Variants in CST7 observed in about 807,000 individuals in gnomAD.
The protein encoded by CST7 is cystatin F.
A neutral mutation model predicts 13.1 loss-of-function variants in CST7; 15 were observed. That is an observed-to-expected ratio of 1.14 (90% CI 0.77 to 1.76). CST7 has a LOEUF of 1.76. Among genes scored for constraint, CST7 ranks in the 40% most tolerant of loss-of-function variants. CST7 has a pLI of 0.00. For synonymous variants in CST7, 75 were observed against 66.9 expected, an observed-to-expected ratio of 1.12 and a Z score of -0.59; for missense variants, 193 against 178.8, an observed-to-expected ratio of 1.08 and a Z score of -0.45.
chr20:24,957,064 T>TGGGGGGCAGGG (rs2087861618), intron 1 of CST7, among the ~76,000 whole-genome samples: 2 of 1,426 alleles, frequency 1.4e-3, no homozygotes, highest in African/African-American at 7.4e-3. Context: ...GGAGAACAGG[T>TGGGGGGCAGGG]GAGGGGGCAG....
intron 1 of CST7, among the ~76,000 whole-genome samples, chr20:24,950,259 A>T (rs1237001287): frequency 6.6e-6 from 1 of 152,182 alleles, no homozygotes; most frequent in Non-Finnish European, 1.5e-5. Context: ...TCATTTAACC[A>T]ACCAGGAAGC....
chr20:24,956,464 G>A (rs1238247807), intron 1 of CST7, among the ~76,000 whole-genome samples: 1 of 152,172 alleles, frequency 6.6e-6, no homozygotes, highest in African/African-American at 2.4e-5. Context: ...ACAGATACTA[G>A]GGGACATGAC....
chr20:24,959,925 T>C lies in CST7; in HGVS notation c.*213T>C. The C allele has an allele frequency of 1.8e-6, 1 of 566,200 alleles. No homozygotes were observed. The highest frequency in any genetic ancestry group is 2.1e-5 in the South Asian group (1 of 47,572). The allele number at this position is 566,200 out of a possible 1,614,324, so 35.1% of individuals were successfully genotyped here. A position where few individuals can be genotyped will look rare whatever the true frequency, so the allele number is the denominator to read the frequency against. On this transcript the variant is annotated 3_prime_UTR_variant, in exon 4 of 4. Transcript: ENST00000480798. Reference sequence around the variant, plus strand: ...AAATAGATCACATTTGCTTCTAAAATTAACTCCTGTTTCTGAGGCTTCCCA... The same window carrying C: ...AAATAGATCACATTTGCTTCTAAAACTAACTCCTGTTTCTGAGGCTTCCCA...
chr20:24,956,178 G>A (rs1220483701), intron 1 of CST7, among the ~76,000 whole-genome samples: 2 of 152,132 alleles, frequency 1.3e-5, no homozygotes, highest in Admixed American at 6.5e-5. Flanking sequence ...CAGAAACCTC[G>A]TCATCCTGTC....
At chr20:24,950,716 A>T (rs1331425004) in intron 1 of CST7, among the ~76,000 whole-genome samples, 2 of 149,074 alleles carry the variant, frequency 1.3e-5, no homozygotes, top group African/African-American at 5.0e-5. Context: ...GAGCCTTCTT[A>T]GCTCACGCAA....
chr20:24,950,210 C>G (rs1331574422), intron 1 of CST7, among the ~76,000 whole-genome samples: 1 of 152,226 alleles, frequency 6.6e-6, no homozygotes, highest in Non-Finnish European at 1.5e-5. Flanking sequence ...GCACAGGAAT[C>G]AGACCAGGAT....
intron 1 of CST7, among the ~76,000 whole-genome samples, chr20:24,952,186 C>T (rs1260389304): frequency 6.6e-6 from 1 of 152,222 alleles, no homozygotes; most frequent in Non-Finnish European, 1.5e-5. Flanking sequence ...TTTTGCACAT[C>T]ATTTATTGAC....
chr20:24,958,733 C>T (rs922623146), intron 2 of CST7, among the ~76,000 whole-genome samples, 195 bp from the exon 3 acceptor site: 1 of 152,084 alleles, frequency 6.6e-6, no homozygotes, highest in Admixed American at 6.5e-5. Flanking sequence ...GGCACAAACC[C>T]AGCACGGGGC....
intron 1 of CST7, among the ~76,000 whole-genome samples, chr20:24,955,665 G>A (rs1486307177): frequency 3.3e-5 from 5 of 152,160 alleles, no homozygotes. Context: ...TTGCCAGGAT[G>A]GCCTCGATCT....
At chr20:24,949,711 G>A in intron 1 of CST7, 136 bp downstream of exon 1, 1 of 1,175,944 alleles carries the variant, frequency 8.5e-7, no homozygotes, top group South Asian at 1.5e-5. Context: ...GGTGCTGGGA[G>A]TGGTGAGAGG....
intron 1 of CST7, among the ~76,000 whole-genome samples, chr20:24,952,731 G>A (rs1285186326): frequency 6.6e-6 from 1 of 152,228 alleles, no homozygotes; most frequent in Non-Finnish European, 1.5e-5. Context: ...CCCCTGAGGT[G>A]ACACAGGGAG....
intron 1 of CST7, among the ~76,000 whole-genome samples, chr20:24,955,519 G>A (rs2087848254): frequency 1.3e-5 from 2 of 149,570 alleles, no homozygotes; most frequent in Non-Finnish European, 3.0e-5. Flanking sequence ...GCGCGATCTC[G>A]GCTCACTGCA....
rs374159769 is a variant in CST7 at position 24,949,463 on chromosome 20, C to T, written c.-43C>T. On this transcript the variant is annotated 5_prime_UTR_variant, in exon 1 of 4. The change creates a new upstream start codon in the 5' untranslated region. Transcript: ENST00000480798. ...CCATGCTGCCTGAGAAGGCACTGCA[C>T]GGCCACCCCCAACTGCCCCGCACTG... 207 of 1,613,766 alleles carry T rather than the reference C, an allele frequency of 1.3e-4. No individual in the cohort carries two copies. Among genetic ancestry groups the T allele is most frequent in the Middle Eastern group, 5.0e-4 (3 of 6,044 alleles).
At chr20:24,953,287 G>A (rs62215085) in intron 1 of CST7, among the ~76,000 whole-genome samples, 13,658 of 152,212 alleles carry the variant, frequency 0.09, 694 homozygotes, top group Middle Eastern at 0.12. Context: ...CCATCTCCCC[G>A]AGGAGGCTGG....
chr20:24,956,969 T>C (rs1438160289), intron 1 of CST7, among the ~76,000 whole-genome samples: 1 of 101,570 alleles, frequency 9.8e-6, no homozygotes, highest in Admixed American at 1.1e-4. Flanking sequence ...GAGCAATAAA[T>C]GCACTGCAGG....
intron 1 of CST7, among the ~76,000 whole-genome samples, chr20:24,955,392 C>T (rs6050203): frequency 0.089 from 13,601 of 152,022 alleles, 695 homozygotes; most frequent in Middle Eastern, 0.12. Context: ...CCAAGCTCAG[C>T]CCCTGGTGCT....
chr20:24,953,777 C>T (rs1433597237), intron 1 of CST7, among the ~76,000 whole-genome samples: 1 of 152,204 alleles, frequency 6.6e-6, no homozygotes, highest in African/African-American at 2.4e-5. Flanking sequence ...CCATTCCCCT[C>T]GAGCAGGCCT....
intron 1 of CST7, among the ~76,000 whole-genome samples, chr20:24,956,750 T>G (rs532969516): frequency 5.1e-4 from 78 of 151,868 alleles, no homozygotes; most frequent in Non-Finnish European, 7.7e-4. Context: ...GCCATCTCCT[T>G]CCGGTGGGAG....
intron 1 of CST7, among the ~76,000 whole-genome samples, chr20:24,955,905 CGCT>C (rs2087850965): frequency 1.3e-5 from 2 of 152,158 alleles, no homozygotes; most frequent in African/African-American, 4.8e-5. Flanking sequence ...ACCAGCACTG[CGCT>C]GCTTTTTTGG....
Sources: allele counts gnomAD v4.1 joint callset (sites outside exome capture counted in the v4.1 genomes callset), GRCh38; gene constraint gnomAD v4.1.1; transcripts MANE v1.5; gene names NCBI Gene and HGNC (gene_info 2026-07-23, HGNC 2026-07-21).